PCSK2: variants seen among roughly 807,000 people sequenced by gnomAD.
PCSK2 encodes the protein proprotein convertase subtilisin/kexin type 2, also known as neuroendocrine convertase 2.
PCSK2 carries 14 observed loss-of-function variants against 69.7 expected under a neutral mutation model. The observed-to-expected ratio is 0.20, with a 90% confidence interval of 0.13 to 0.31. The LOEUF is 0.31. Ranked by LOEUF, PCSK2 falls within the 10% of genes least tolerant of loss-of-function variation. The pLI, the probability that PCSK2 is intolerant of heterozygous loss-of-function variation, is 1.00. For synonymous variants in PCSK2, 307 were observed against 320.7 expected, an observed-to-expected ratio of 0.96 and a Z score of 0.46; for missense variants, 544 against 842.5, an observed-to-expected ratio of 0.65 and a Z score of 4.39.
intron 1 of PCSK2, among the ~76,000 whole-genome samples, chr20:17,248,299 G>T (rs1986845945): frequency 6.6e-6 from 1 of 152,034 alleles, no homozygotes; most frequent in Non-Finnish European, 1.5e-5. Context: ...GAATGTTTGG[G>T]AATCTACCAC....
chr20:17,434,223 C>A (rs1415528222), intron 7 of PCSK2, among the ~76,000 whole-genome samples: 1 of 150,324 alleles, frequency 6.7e-6, no homozygotes, highest in African/African-American at 2.5e-5. Flanking sequence ...GTCTGTCTGC[C>A]TCTCTCCCTC....
intron 2 of PCSK2, among the ~76,000 whole-genome samples, chr20:17,355,910 A>G (rs1340384880): frequency 6.6e-6 from 1 of 152,186 alleles, no homozygotes; most frequent in Non-Finnish European, 1.5e-5. Flanking sequence ...AGGGGAATCA[A>G]GGATGAATTT....
At chr20:17,313,320 T>G (rs1989575933) in intron 2 of PCSK2, among the ~76,000 whole-genome samples, 1 of 152,116 alleles carries the variant, frequency 6.6e-6, no homozygotes, top group East Asian at 1.9e-4. Flanking sequence ...GTCTAGCTCC[T>G]GTGAGTAAGC....
At chr20:17,290,670 A>G (rs1166665786) in intron 2 of PCSK2, among the ~76,000 whole-genome samples, 3 of 152,162 alleles carry the variant, frequency 2.0e-5, no homozygotes, top group Non-Finnish European at 4.4e-5. Context: ...CTTTTAAATT[A>G]TATTTATGTG....
At chr20:17,275,303 T>A (rs1478455649) in intron 2 of PCSK2, among the ~76,000 whole-genome samples, 1 of 152,024 alleles carries the variant, frequency 6.6e-6, no homozygotes, top group Non-Finnish European at 1.5e-5. Context: ...GGTAACAGCA[T>A]ACGTAGTGAG....
intron 1 of PCSK2, among the ~76,000 whole-genome samples, chr20:17,236,176 T>G (rs1333828671): frequency 2.6e-5 from 4 of 152,112 alleles, no homozygotes; most frequent in African/African-American, 4.8e-5. Flanking sequence ...TCATCATATG[T>G]GCTATTTTAA....
intron 2 of PCSK2, among the ~76,000 whole-genome samples, chr20:17,270,758 T>G (rs1368733089): frequency 4.6e-5 from 7 of 151,738 alleles, no homozygotes; most frequent in Non-Finnish European, 5.9e-5. Flanking sequence ...GAAAAGCAAT[T>G]AAAACCTATT....
intron 1 of PCSK2, among the ~76,000 whole-genome samples, chr20:17,249,227 T>C (rs1231283990): frequency 6.6e-6 from 1 of 152,078 alleles, no homozygotes; most frequent in Non-Finnish European, 1.5e-5. Flanking sequence ...TTGCATTAAG[T>C]CGGGCGCGGT....
At position 17,481,740 on chromosome 20, in the gene PCSK2, G is replaced by A; in HGVS notation, c.1587G>A (p.Met529Ile). The change falls in exon 12 of 12, where the codon ATG becomes ATA. Residue 529 changes from methionine to isoleucine, a missense_variant. Met to Ile is a conservative substitution (Grantham distance 10, BLOSUM62 1). This residue lies in a region of PCSK2 where 200 missense variants were observed against 287.8 expected (regional missense o/e 0.69). Coordinates refer to ENST00000262545, the MANE Select transcript of PCSK2 (RefSeq NM_002594.5). ...TGAACATCAACATGACTTCCCCTAT[G>A]GGCACCAAGTCCATTTTGCTGAGCC... ...GDLNINMTSP[M>I]GTKSILLSRR... 6.2e-7 allele frequency: 1 copy of A among 1,614,104 alleles called. No homozygotes were observed.
intron 1 of PCSK2, among the ~76,000 whole-genome samples, chr20:17,256,178 C>G (rs913928444): frequency 6.6e-6 from 1 of 152,064 alleles, no homozygotes; most frequent in Non-Finnish European, 1.5e-5. Flanking sequence ...CTGTTATGTA[C>G]TTTTTAGCTC....
At chr20:17,231,613 A>G (rs1986144691) in intron 1 of PCSK2, among the ~76,000 whole-genome samples, 1 of 152,192 alleles carries the variant, frequency 6.6e-6, no homozygotes, top group Non-Finnish European at 1.5e-5. Flanking sequence ...TTATAAGACC[A>G]TCAGTTTTCT....
At chr20:17,347,798 A>G (rs1361135414) in intron 2 of PCSK2, among the ~76,000 whole-genome samples, 5 of 78,072 alleles carry the variant, frequency 6.4e-5, no homozygotes, top group African/African-American at 2.5e-4. Context: ...GAAAGAAAGA[A>G]AGAAAGAAAG....
chr20:17,389,799 A>T (rs181837288), intron 5 of PCSK2, among the ~76,000 whole-genome samples: 95 of 152,210 alleles, frequency 6.2e-4, no homozygotes, highest in African/African-American at 2.1e-3. Context: ...CCTACCTACA[A>T]CCTCTTACAC....
intron 5 of PCSK2, among the ~76,000 whole-genome samples, chr20:17,379,385 A>T (rs994218039): frequency 7.9e-5 from 12 of 152,240 alleles, no homozygotes; most frequent in Non-Finnish European, 4.4e-5. Flanking sequence ...ATCCAATTAC[A>T]GTTTTCTGAA....
At chr20:17,428,970 G>A (rs1417170337) in intron 6 of PCSK2, among the ~76,000 whole-genome samples, 1 of 114,356 alleles carries the variant, frequency 8.7e-6, no homozygotes, top group Non-Finnish European at 1.6e-5. Flanking sequence ...CTGCATTCCA[G>A]CCTGGGTGAC....
intron 5 of PCSK2, among the ~76,000 whole-genome samples, chr20:17,379,673 C>A (rs2031033142): frequency 6.6e-6 from 1 of 152,204 alleles, no homozygotes; most frequent in Admixed American, 6.5e-5. Flanking sequence ...TAGTCCCTCT[C>A]TTGAGTATGG....
intron 5 of PCSK2, among the ~76,000 whole-genome samples, chr20:17,376,964 T>A (rs1424218480): frequency 1.3e-5 from 2 of 152,238 alleles, no homozygotes; most frequent in African/African-American, 4.8e-5. Context: ...ACCCTCTGTG[T>A]AATTCCTAGT....
chr20:17,260,003 T>A (rs1372554227), intron 1 of PCSK2, among the ~76,000 whole-genome samples: 1 of 151,756 alleles, frequency 6.6e-6, no homozygotes, highest in Admixed American at 6.6e-5. Flanking sequence ...GGGGAAAGAA[T>A]AGAAGGTATT....
intron 2 of PCSK2, among the ~76,000 whole-genome samples, chr20:17,267,155 C>A (rs1331599020): frequency 6.6e-6 from 1 of 152,118 alleles, no homozygotes; most frequent in Non-Finnish European, 1.5e-5. Context: ...TTGAACTGAA[C>A]TAAGAGGGGA....
Sources: allele counts gnomAD v4.1 joint callset (sites outside exome capture counted in the v4.1 genomes callset), GRCh38; gene constraint gnomAD v4.1.1; regional missense constraint gnomAD v4.1.1; transcripts MANE v1.5; gene names NCBI Gene and HGNC (gene_info 2026-07-23, HGNC 2026-07-21).